NLK: variants seen among roughly 807,000 people sequenced by gnomAD.
The protein encoded by NLK is nemo like kinase.
In NLK, 11 loss-of-function variants were observed where a neutral mutation model predicts 59.0. The ratio of observed to expected loss-of-function variants is 0.19; its 90% CI spans 0.12 to 0.31. The LOEUF (loss-of-function observed/expected upper bound fraction) is 0.31. Ranked by LOEUF, NLK falls within the 10% of genes least tolerant of loss-of-function variation. The probability of loss-of-function intolerance (pLI) is 1.00; values close to 1 mark genes in which losing one functional copy is unlikely to be tolerated. For synonymous variants in NLK, 235 were observed against 235.9 expected (o/e 1.00, Z 0.03); for missense variants, 410 against 661.1 (o/e 0.62, Z 4.16).
In NLK at chr17:28,184,926, T is replaced by G. The variant is rs1038178059; in HGVS notation, c.1150-253T>G. On this transcript the variant is annotated intron_variant, in intron 7 of 10. Coordinates refer to ENST00000407008, the MANE Select transcript of NLK (RefSeq NM_016231.5). Reference sequence around the variant, plus strand: ...TGGCGCCACTGCACCCTAGCCTGGGTGAGAGAGCGAGAATCCATATCAAAA... The same window carrying G: ...TGGCGCCACTGCACCCTAGCCTGGGGGAGAGAGCGAGAATCCATATCAAAA... 6.6e-5 allele frequency among the ~76,000 whole-genome samples: 10 copies of G among 152,174 alleles called. 1 individual carries two copies. The highest frequency in any genetic ancestry group is 2.4e-4 in the African/African-American group (10 of 41,512).
Position 28,043,310 on chromosome 17 carries a change from A to G in NLK, c.437A>G (p.Tyr146Cys). ...ATTGAGCCGGATAGACCTATTGGATATGGAGCCTTTGGTGTTGTCTGGTGA... is the reference window on the plus strand; with the variant it reads ...ATTGAGCCGGATAGACCTATTGGATGTGGAGCCTTTGGTGTTGTCTGGTGA... ...LDIEPDRPIG[Y>C]GAFGVVWSVT... The change falls in exon 1 of 11, where the codon TAT (tyrosine) becomes TGT (cysteine). Residue 146 changes from tyrosine (Y) to cysteine (C), a missense_variant. By Grantham distance (194) the Tyr-to-Cys change is radical. Around this residue, in one of 5 missense-constraint regions of NLK, gnomAD observed 73 missense variants for 197.2 expected, o/e 0.37. Coordinates refer to ENST00000407008, the MANE Select transcript of NLK (RefSeq NM_016231.5). 6.4e-7 allele frequency: 1 copy of G among 1,570,710 alleles called. No homozygotes were observed. The highest frequency in any genetic ancestry group is 8.6e-7 in the Non-Finnish European group (1 of 1,160,308).
intron 1 of NLK, among the ~76,000 whole-genome samples, chr17:28,058,507 A>G (rs1909517466): frequency 1.3e-5 from 2 of 152,162 alleles, no homozygotes; most frequent in Non-Finnish European, 2.9e-5. Flanking sequence ...AAAAATGATG[A>G]GAGTTTCGAA....
At chr17:28,168,335 CAA>C (rs371518289) in intron 5 of NLK, 111 bp from the exon 6 acceptor site, 10,002 of 568,240 alleles carry the variant, frequency 0.018, no homozygotes, top group East Asian at 0.024. Context: ...GACTCCATCT[CAA>C]AAAAAAAAAA....
At chr17:28,180,542 T>G (rs1908863877) in intron 7 of NLK, among the ~76,000 whole-genome samples, 1 of 152,224 alleles carries the variant, frequency 6.6e-6, no homozygotes, top group Admixed American at 6.5e-5. Context: ...AAAGCTTGAG[T>G]GACTTACCTA....
chr17:28,044,271 T>C (rs1439576921), intron 1 of NLK, among the ~76,000 whole-genome samples: 1 of 152,212 alleles, frequency 6.6e-6, no homozygotes, highest in Non-Finnish European at 1.5e-5. Flanking sequence ...CCACTTTGGA[T>C]AGATGAATTG....
intron 1 of NLK, among the ~76,000 whole-genome samples, chr17:28,079,954 T>A (rs1263977883): frequency 6.6e-6 from 1 of 152,214 alleles, no homozygotes. Context: ...TCAGGTCTTA[T>A]GTTTAGATCG....
chr17:28,149,298 A>G (rs1567728361), intron 3 of NLK, among the ~76,000 whole-genome samples: 1 of 152,176 alleles, frequency 6.6e-6, no homozygotes, highest in African/African-American at 2.4e-5. Context: ...TTCTGGCCGT[A>G]AGCAATCTTC....
chr17:28,055,061 A>G (rs773990007), intron 1 of NLK, among the ~76,000 whole-genome samples: 2 of 151,044 alleles, frequency 1.3e-5, no homozygotes, highest in Non-Finnish European at 2.9e-5. Context: ...ATAGTATTCC[A>G]GTAATTGTAG....
chr17:28,096,448 A>AT, intron 1 of NLK, among the ~76,000 whole-genome samples: 1 of 151,980 alleles, frequency 6.6e-6, no homozygotes. Context: ...TGTTCTTGTA[A>AT]TTTTTTTTAT....
intron 3 of NLK, among the ~76,000 whole-genome samples, chr17:28,142,735 C>G (rs75107630): frequency 6.6e-6 from 1 of 151,724 alleles, no homozygotes; most frequent in Non-Finnish European, 1.5e-5. Context: ...AAAAAAAAAA[C>G]GAGCAGGAGA....
Position 28,191,088 on chromosome 17 carries a change from ACACATG to A in NLK, c.1305_1310del (p.Thr436_Cys437del). Reference sequence around the variant, plus strand: ...CTAGATGAAGGGCGACTACGATATCACACATGTATGTGTAAATGTTGCTTTTCCACC... The same window carrying A: ...CTAGATGAAGGGCGACTACGATATCATATGTGTAAATGTTGCTTTTCCACC... On this transcript the variant is annotated inframe_deletion, in exon 9 of 11. Coordinates refer to ENST00000407008, the MANE Select transcript of NLK (RefSeq NM_016231.5). 1 of 1,613,872 alleles carries A rather than the reference ACACATG, an allele frequency of 6.2e-7. No individual in the cohort carries two copies. The highest frequency in any genetic ancestry group is 8.5e-7 in the Non-Finnish European group (1 of 1,179,856).
chr17:28,100,986 C>A (rs1904882692), intron 1 of NLK, among the ~76,000 whole-genome samples: 1 of 152,124 alleles, frequency 6.6e-6, no homozygotes, highest in Admixed American at 6.5e-5. Flanking sequence ...GGTCATGAGT[C>A]ATTTTTCTCC....
chr17:28,071,872 G>C (rs1013789338), intron 1 of NLK, among the ~76,000 whole-genome samples: 2 of 152,210 alleles, frequency 1.3e-5, no homozygotes, highest in Non-Finnish European at 2.9e-5. Context: ...TCAGCATGCA[G>C]TTTACTCTTC....
intron 1 of NLK, among the ~76,000 whole-genome samples, chr17:28,057,693 C>CT (rs1257335065): frequency 1.3e-5 from 2 of 152,058 alleles, no homozygotes; most frequent in African/African-American, 2.4e-5. Flanking sequence ...GTTATTGTAG[C>CT]TTTTTTTAAA....
At chr17:28,184,606 T>C (rs1390021845) in intron 7 of NLK, among the ~76,000 whole-genome samples, 1 of 152,248 alleles carries the variant, frequency 6.6e-6, no homozygotes, top group East Asian at 1.9e-4. Flanking sequence ...TTTCATTTTT[T>C]TATAGACTCT....
intron 1 of NLK, among the ~76,000 whole-genome samples, chr17:28,088,120 T>C (rs1904348321): frequency 6.6e-6 from 1 of 152,236 alleles, no homozygotes; most frequent in South Asian, 2.1e-4. Flanking sequence ...TAGCATGTTA[T>C]TCTGCTCTCT....
chr17:28,183,278 A>G (rs1224141161), intron 7 of NLK, among the ~76,000 whole-genome samples: 2 of 152,238 alleles, frequency 1.3e-5, no homozygotes, highest in Non-Finnish European at 2.9e-5. Flanking sequence ...TTTCCAAAGC[A>G]TAGTGAAGGT....
downstream of NLK, among the ~76,000 whole-genome samples, chr17:28,198,025 TATA>T (rs1909527372): frequency 6.6e-6 from 1 of 152,174 alleles, no homozygotes; most frequent in African/African-American, 2.4e-5. Flanking sequence ...ACAGATTGCA[TATA>T]ATAATAATGT....
chr17:28,079,193 C>T (rs1270390653), intron 1 of NLK, among the ~76,000 whole-genome samples: 1 of 152,168 alleles, frequency 6.6e-6, no homozygotes, highest in Admixed American at 6.5e-5. Flanking sequence ...TATGATGTAG[C>T]ATATGACAGG....
Sources: allele counts gnomAD v4.1 joint callset (sites outside exome capture counted in the v4.1 genomes callset), GRCh38; gene constraint gnomAD v4.1.1; regional missense constraint gnomAD v4.1.1; transcripts MANE v1.5; gene names NCBI Gene and HGNC (gene_info 2026-07-23, HGNC 2026-07-21).